Variants in RGS3 observed in about 807,000 individuals in gnomAD.
The protein encoded by RGS3 is regulator of G-protein signalling 3.
In RGS3, 80 loss-of-function variants were observed where a neutral mutation model predicts 132.6. That is an observed-to-expected ratio of 0.60 (90% CI 0.50 to 0.73). RGS3 has a LOEUF of 0.73. Ranked by LOEUF, RGS3 falls within the 30% of genes least tolerant of loss-of-function variation. The pLI, the probability that RGS3 is intolerant of heterozygous loss-of-function variation, is 0.00. For synonymous variants in RGS3, 598 were observed against 620.6 expected, an observed-to-expected ratio of 0.96 and a Z score of 0.54; for missense variants, 1,382 against 1,530.8, an observed-to-expected ratio of 0.90 and a Z score of 1.62.
chr9:113,468,091 G>T (rs577642807), intron 3 of RGS3, among the ~76,000 whole-genome samples: 1 of 152,246 alleles, frequency 6.6e-6, no homozygotes, highest in Admixed American at 6.5e-5. Flanking sequence ...CTTGTACTTT[G>T]TGTTATATCT....
At position 113,595,508 on chromosome 9, in the gene RGS3, A is replaced by G; in HGVS notation, c.3245-91A>G. The G allele has an allele frequency of 2.8e-6, 4 of 1,426,932 alleles. No individual in the cohort carries two copies. In the South Asian group the frequency reaches 5.1e-5, roughly 18 times the overall value. 88.4% of individuals were successfully genotyped at this position (1,426,932 alleles called of 1,614,324 possible). ...ATTGTACTCAGCTCCCAGCACGCCC[A>G]TCTTTAAAGTCCTGTAGGGGTAAGC... is the stretch of plus-strand genomic sequence containing the variant. On this transcript the variant is annotated intron_variant, in intron 23 of 24. Transcript: ENST00000350696.
intron 3 of RGS3, among the ~76,000 whole-genome samples, chr9:113,474,835 T>C (rs931182845): frequency 1.3e-5 from 2 of 152,214 alleles, no homozygotes; most frequent in African/African-American, 2.4e-5. Flanking sequence ...CAGGGTGGCA[T>C]GGGCTCCCAC....
At chr9:113,576,215 A>G (rs944683930) in intron 19 of RGS3, among the ~76,000 whole-genome samples, 1 of 152,066 alleles carries the variant, frequency 6.6e-6, no homozygotes, top group South Asian at 2.1e-4. Context: ...AAACAAAAAC[A>G]AAAACAAAAA....
intron 4 of RGS3, 146 bp from the exon 3 acceptor site, chr9:113,482,913 G>A (rs576276052): frequency 4.0e-6 from 6 of 1,515,136 alleles, no homozygotes; most frequent in African/African-American, 1.4e-5. Context: ...AGTAGCAGGG[G>A]CCATAGCCCT....
intron 19 of RGS3, among the ~76,000 whole-genome samples, chr9:113,578,110 G>A (rs1834619507): frequency 6.6e-6 from 1 of 152,228 alleles, no homozygotes. Flanking sequence ...TTGTGGCCTG[G>A]GGAGTGGGTG....
chr9:113,477,244 C>T (rs1057392665), intron 3 of RGS3, among the ~76,000 whole-genome samples: 3 of 152,212 alleles, frequency 2.0e-5, no homozygotes, highest in Non-Finnish European at 4.4e-5. Flanking sequence ...CTCTACCTCA[C>T]ATCCATGGCC....
Position 113,506,302 on chromosome 9 carries a change from G to GTCAC in RGS3, c.980-85_980-82dup. ...AGAAAAAGGGAGGTCCTTGTCTGAGGTCACCATGGCAGCAAAGGACTCCAG... is the reference window on the plus strand; with the variant it reads ...AGAAAAAGGGAGGTCCTTGTCTGAGGTCACTCACCATGGCAGCAAAGGACTCCAG... On this transcript the variant is annotated intron_variant, in intron 11 of 24. Coordinates refer to ENST00000350696, the Ensembl canonical transcript of RGS3. The surrounding 1 kb of genome is among the most constrained non-coding windows in gnomAD (Gnocchi z 4.7). 1 of 788,948 alleles carries GTCAC rather than the reference G, an allele frequency of 1.3e-6. No individual in the cohort carries two copies. Among genetic ancestry groups the GTCAC allele is most frequent in the Non-Finnish European group, 2.1e-6 (1 of 472,648 alleles). The allele number at this position is 788,948 out of a possible 1,614,324, so 48.9% of individuals were successfully genotyped here.
intron 1 of RGS3, among the ~76,000 whole-genome samples, chr9:113,451,109 C>T (rs112620664): frequency 0.041 from 6,054 of 147,116 alleles, 160 homozygotes; most frequent in South Asian, 0.1. Context: ...ACCTGGGAGG[C>T]GGAGCTTGCA....
intron 19 of RGS3, among the ~76,000 whole-genome samples, chr9:113,544,299 G>GTTTTTTTTTT (rs572535036): frequency 1.5e-5 from 2 of 133,404 alleles, no homozygotes; most frequent in Non-Finnish European, 3.2e-5. Flanking sequence ...CCATTTTCAT[G>GTTTTTTTTTT]TTTTTTTTTT....
chr9:113,541,336 G>C, intron 19 of RGS3: 1 of 1,613,284 alleles, frequency 6.2e-7, no homozygotes, highest in African/African-American at 1.3e-5. Context: ...CACCCTTTCG[G>C]CTCTCTCCAG....
intron 15 of RGS3, 126 bp from the exon 14 acceptor site, chr9:113,517,415 C>A: frequency 2.6e-6 from 2 of 759,424 alleles, no homozygotes. Flanking sequence ...GGGTCGGTGG[C>A]GGGCTGACAG....
intron 3 of RGS3, among the ~76,000 whole-genome samples, chr9:113,464,913 CTT>C (rs1291417190): frequency 6.6e-6 from 1 of 152,276 alleles, no homozygotes; most frequent in East Asian, 1.9e-4. Flanking sequence ...CCACAACCTG[CTT>C]TTTTTCCTTA....
intron 19 of RGS3, among the ~76,000 whole-genome samples, chr9:113,569,503 C>A (rs1834168948): frequency 1.3e-5 from 2 of 152,166 alleles, no homozygotes. Flanking sequence ...TCACTTCCTG[C>A]AGTTCCCAGT....
intron 19 of RGS3, among the ~76,000 whole-genome samples, chr9:113,576,346 T>TC (rs1185507507): frequency 6.6e-6 from 1 of 151,268 alleles, no homozygotes; most frequent in Non-Finnish European, 1.5e-5. Context: ...TCTTTTTTTT[T>TC]TTTTGAGACA....
intron 1 of RGS3, among the ~76,000 whole-genome samples, chr9:113,448,724 A>G (rs1829173317): frequency 6.6e-6 from 1 of 152,212 alleles, no homozygotes; most frequent in African/African-American, 2.4e-5. Context: ...TAAGTGCTTA[A>G]TAATATATGT....
At chr9:113,534,756 C>T (rs906081355) in intron 18 of RGS3, among the ~76,000 whole-genome samples, 10 of 151,836 alleles carry the variant, frequency 6.6e-5, no homozygotes, top group African/African-American at 9.7e-5. Context: ...GGACTACAAG[C>T]GCACACCACC....
intron 7 of RGS3, among the ~76,000 whole-genome samples, chr9:113,490,633 A>G (rs142480889): frequency 0.014 from 1,986 of 146,398 alleles, 59 homozygotes; most frequent in African/African-American, 0.047. Context: ...ATACCTCCAA[A>G]GATTATGTTC....
chr9:113,550,668 A>G (rs1163701447), intron 19 of RGS3, among the ~76,000 whole-genome samples: 2 of 152,188 alleles, frequency 1.3e-5, no homozygotes, highest in South Asian at 2.1e-4. Context: ...CCTCCTCATC[A>G]TTACCAACAT....
At chr9:113,458,567 GTATTC>G (rs1424055123), upstream of RGS3, among the ~76,000 whole-genome samples, 1 of 152,126 alleles carries the variant, frequency 6.6e-6, no homozygotes, top group Non-Finnish European at 1.5e-5. Context: ...GGGTATAGAT[GTATTC>G]TATTTAGCCT....
Sources: gnomAD v4.1 joint callset for allele counts (sites outside exome capture counted in the v4.1 genomes callset) on GRCh38, gnomAD v4.1.1 for gene constraint, Gnocchi (gnomAD v3.1) non-coding constraint, MANE v1.5 for transcripts, NCBI Gene and HGNC (gene_info 2026-07-23, HGNC 2026-07-21) for gene names.